The following NFIA variants were observed in gnomAD, a reference collection of about 807,000 sequenced individuals.
NFIA encodes nuclear factor I A.
NFIA carries 8 observed loss-of-function variants against 62.8 expected under a neutral mutation model. That is an observed-to-expected ratio of 0.13 (90% CI 0.07 to 0.23). The LOEUF (loss-of-function observed/expected upper bound fraction) is 0.23. Ranked by LOEUF, NFIA falls within the 10% of genes least tolerant of loss-of-function variation. The probability of loss-of-function intolerance (pLI) is 1.00; values close to 1 mark genes in which losing one functional copy is unlikely to be tolerated. For synonymous variants in NFIA, 235 were observed against 238.1 expected (o/e 0.99, Z 0.12); for missense variants, 410 against 642.1 (o/e 0.64, Z 3.91).
intron 2 of NFIA, among the ~76,000 whole-genome samples, chr1:61,174,307 G>A (rs1202680187): frequency 6.6e-6 from 1 of 152,198 alleles, no homozygotes; most frequent in African/African-American, 2.4e-5. Flanking sequence ...CTGTTGTGGA[G>A]GCTTTTCCCA....
intron 2 of NFIA, among the ~76,000 whole-genome samples, chr1:61,248,391 C>T (rs1281617841): frequency 6.6e-6 from 1 of 152,164 alleles, no homozygotes; most frequent in Non-Finnish European, 1.5e-5. Context: ...AATATTAAAA[C>T]ACAGCCCTGA....
chr1:61,083,120 G>C (rs1212646464), intron 1 of NFIA, among the ~76,000 whole-genome samples: 1 of 152,196 alleles, frequency 6.6e-6, no homozygotes, highest in Non-Finnish European at 1.5e-5. Flanking sequence ...TCGGGGCGAC[G>C]GACTGCGGAA....
At chr1:61,404,716 A>G (rs1208797155) in intron 8 of NFIA, among the ~76,000 whole-genome samples, 1 of 152,232 alleles carries the variant, frequency 6.6e-6, no homozygotes, top group African/African-American at 2.4e-5. Context: ...TTTTTGAAAA[A>G]TACAGTCTTG....
At chr1:61,383,107 A>C (rs1372835974) in intron 6 of NFIA, 130 bp from the exon 7 acceptor site, 2 of 1,180,886 alleles carry the variant, frequency 1.7e-6, no homozygotes, top group East Asian at 4.8e-5. Context: ...AGCAATTCAC[A>C]ACATCTTTTT....
At chr1:61,130,466 G>C (rs976857125) in intron 2 of NFIA, among the ~76,000 whole-genome samples, 3 of 152,220 alleles carry the variant, frequency 2.0e-5, no homozygotes, top group African/African-American at 7.2e-5. Flanking sequence ...TTAATGAGTA[G>C]AAAAGACAGA....
At chr1:61,364,947 G>A (rs564567918) in intron 6 of NFIA, among the ~76,000 whole-genome samples, 59 of 152,238 alleles carry the variant, frequency 3.9e-4, no homozygotes, top group Admixed American at 3.1e-3. Flanking sequence ...CGGGCATGGG[G>A]CCCAAGGTGG....
intron 2 of NFIA, among the ~76,000 whole-genome samples, chr1:61,130,390 A>C (rs904203491): frequency 5.3e-5 from 8 of 152,174 alleles, no homozygotes; most frequent in African/African-American, 1.9e-4. Context: ...TAACTTTCAG[A>C]TCTTCTGTAA....
At chr1:61,345,249 T>C (rs947796377) in intron 4 of NFIA, among the ~76,000 whole-genome samples, 1 of 152,230 alleles carries the variant, frequency 6.6e-6, no homozygotes, top group Non-Finnish European at 1.5e-5. Context: ...CAACACAATT[T>C]ATATGTATTT....
chr1:61,109,639 A>G (rs553279874), intron 2 of NFIA, among the ~76,000 whole-genome samples: 2 of 152,088 alleles, frequency 1.3e-5, no homozygotes, highest in East Asian at 3.9e-4. Context: ...AGATAGTGCT[A>G]GAATACATAA....
intron 4 of NFIA, among the ~76,000 whole-genome samples, chr1:61,349,084 C>T (rs1162222762): frequency 6.6e-6 from 1 of 152,124 alleles, no homozygotes; most frequent in East Asian, 1.9e-4. Context: ...ATCTCCCCCA[C>T]CCTTCCTCCA....
chr1:61,154,398 C>T (rs776845558), intron 2 of NFIA, among the ~76,000 whole-genome samples: 14 of 152,130 alleles, frequency 9.2e-5, no homozygotes, highest in Non-Finnish European at 1.9e-4. Flanking sequence ...TTAGGTGATC[C>T]GCCCGCCTTG....
At chr1:61,159,977 C>T (rs1463724945) in intron 2 of NFIA, among the ~76,000 whole-genome samples, 6 of 152,170 alleles carry the variant, frequency 3.9e-5, no homozygotes, top group Non-Finnish European at 8.8e-5. Flanking sequence ...CCACCGCGCC[C>T]GGCCTGTAGA....
chr1:61,228,907 C>A (rs905095414), intron 2 of NFIA, among the ~76,000 whole-genome samples: 1 of 151,982 alleles, frequency 6.6e-6, no homozygotes, highest in African/African-American at 2.4e-5. Flanking sequence ...TTGAGTGCAA[C>A]AATAAGCTCA....
chr1:61,323,305 CA>C (rs1660769452), intron 3 of NFIA, among the ~76,000 whole-genome samples: 1 of 152,192 alleles, frequency 6.6e-6, no homozygotes, highest in Non-Finnish European at 1.5e-5. Flanking sequence ...AACATTTCTG[CA>C]TTTTGCAAAT....
chr1:61,094,219 TG>T (rs1228602583), intron 2 of NFIA, among the ~76,000 whole-genome samples: 1 of 152,156 alleles, frequency 6.6e-6, no homozygotes, highest in Admixed American at 6.5e-5. Context: ...TGTAAACCCA[TG>T]GGGGTTGAGT....
At chr1:61,206,499 C>T (rs1047156282) in intron 2 of NFIA, among the ~76,000 whole-genome samples, 2 of 152,188 alleles carry the variant, frequency 1.3e-5, no homozygotes, top group African/African-American at 4.8e-5. Flanking sequence ...TAGACTGAAA[C>T]CAATGACTAG....
intron 6 of NFIA, among the ~76,000 whole-genome samples, chr1:61,379,643 T>C (rs1305002806): frequency 6.6e-6 from 1 of 151,992 alleles, no homozygotes; most frequent in Non-Finnish European, 1.5e-5. Flanking sequence ...CTTGACCTTG[T>C]GATCTGCCCA....
intron 9 of NFIA, among the ~76,000 whole-genome samples, chr1:61,414,155 G>A (rs1347769958): frequency 6.6e-6 from 1 of 151,562 alleles, no homozygotes; most frequent in East Asian, 2.0e-4. Context: ...GCTAATTTTT[G>A]TATTTTTAGT....
intron 2 of NFIA, among the ~76,000 whole-genome samples, chr1:61,100,334 C>G (rs950264322): frequency 4.6e-5 from 7 of 152,086 alleles, no homozygotes; most frequent in Admixed American, 3.9e-4. Context: ...CATAGAAGAT[C>G]TGTTTTGGTT....
Sources: gnomAD v4.1 joint callset for allele counts (sites outside exome capture counted in the v4.1 genomes callset) on GRCh38, gnomAD v4.1.1 for gene constraint, MANE v1.5 for transcripts, NCBI Gene and HGNC (gene_info 2026-07-23, HGNC 2026-07-21) for gene names.